Variants in PCDHGB2 observed in about 807,000 individuals in gnomAD.
PCDHGB2 encodes protocadherin gamma subfamily B, 2, also known as protocadherin gamma-B2.
In PCDHGB2, 55 loss-of-function variants were observed where a neutral mutation model predicts 59.3. The observed-to-expected ratio is 0.93, with a 90% CI of 0.75 to 1.16. The LOEUF (loss-of-function observed/expected upper bound fraction) is 1.16, where lower values mean the gene tolerates loss of function less well. Among genes scored for constraint, PCDHGB2 ranks in the 50% most tolerant of loss-of-function variants. PCDHGB2 has a pLI of 0.00. For missense variants in PCDHGB2, 1,228 were observed against 1,198.5 expected (o/e 1.02, Z -0.36); for synonymous variants, 516 against 512.0 (o/e 1.01, Z -0.11).
Position 141,438,643 on chromosome 5 carries a change from C to CATAT in PCDHGB2, c.2422-56163_2422-56162insTATA, listed in dbSNP as rs1213792286. ...ATATATATATATATATATACACACACACACACACATATATGTATATATATA... is the reference window on the plus strand; with the variant it reads ...ATATATATATATATATATACACACACATATACACACACATATATGTATATATATA... On this transcript the variant is annotated intron_variant, in intron 1 of 3. Transcript: ENST00000522605. Among the ~76,000 whole-genome samples, 345 of 117,382 alleles carry CATAT rather than the reference C, an allele frequency of 2.9e-3. 2 individuals are homozygous for CATAT. Among genetic ancestry groups the CATAT allele is most frequent in the Admixed American group, 6.8e-3 (78 of 11,434 alleles). 77.0% of individuals were successfully genotyped at this position (117,382 alleles called of 152,430 possible). A position where few individuals can be genotyped will look rare whatever the true frequency, so the allele number is the denominator to read the frequency against.
At chr5:141,500,094 A>C (rs2099796337) in intron 2 of PCDHGB2, among the ~76,000 whole-genome samples, 1 of 151,860 alleles carries the variant, frequency 6.6e-6, no homozygotes, top group South Asian at 2.1e-4. Context: ...CCATTTTTGC[A>C]ATTTATTTGT....
At chr5:141,445,632 T>C (rs940642775) in intron 1 of PCDHGB2, among the ~76,000 whole-genome samples, 19 of 152,116 alleles carry the variant, frequency 1.2e-4, no homozygotes, top group Admixed American at 1.1e-3. Flanking sequence ...GAAAGTGATA[T>C]TTAGAGAGAT....
At chr5:141,414,557 A>G (rs749209012) in intron 1 of PCDHGB2, 21 of 1,613,786 alleles carry the variant, frequency 1.3e-5, no homozygotes, top group Non-Finnish European at 1.8e-5. Context: ...CAAGTCTCCT[A>G]CTTTACCTAT....
At chr5:141,384,310 A>T in intron 1 of PCDHGB2, 2 of 1,613,676 alleles carry the variant, frequency 1.2e-6, no homozygotes, top group East Asian at 4.5e-5. Flanking sequence ...AGGGGCCTCC[A>T]TTTTCTTAGT....
chr5:141,434,474 A>G (rs979175338), intron 1 of PCDHGB2, among the ~76,000 whole-genome samples: 2 of 152,222 alleles, frequency 1.3e-5, no homozygotes, highest in Non-Finnish European at 2.9e-5. Context: ...GAATGAGGGC[A>G]AGGAACACCT....
At position 141,408,408 on chromosome 5, in the gene PCDHGB2, G is replaced by A. The variant is rs376957467; in HGVS notation, c.2421+45852G>A. On this transcript the variant is annotated intron_variant, in intron 1 of 3. Coordinates refer to ENST00000522605, the MANE Select transcript of PCDHGB2 (RefSeq NM_018923.3). The stretch of plus-strand genomic sequence containing the variant: ...GTGTCGGCTCGCAAGCTGCGAGTGA[G>A]CGCGGAGAAGCTGCACTTCAGCGTA... 5 of 1,614,080 alleles carry A rather than the reference G, an allele frequency of 3.1e-6. No homozygotes were observed. The Admixed American group carries it at 5.0e-5, about 16-fold the overall frequency.
intron 1 of PCDHGB2, among the ~76,000 whole-genome samples, chr5:141,469,808 A>C (rs1253675252): frequency 2.0e-5 from 3 of 152,174 alleles, no homozygotes; most frequent in Admixed American, 6.5e-5. Flanking sequence ...AAAACATTGT[A>C]GATAGAATGG....
intron 1 of PCDHGB2, chr5:141,415,739 G>GTTTTT (rs1561759437): frequency 2.3e-6 from 1 of 434,538 alleles, no homozygotes; most frequent in African/African-American, 3.3e-5. Flanking sequence ...TGTTTATTAA[G>GTTTTT]GTTTTTTTTT....
At chr5:141,364,831 C>T (rs1391925170) in intron 1 of PCDHGB2, 1 of 1,613,892 alleles carries the variant, frequency 6.2e-7, no homozygotes, top group Non-Finnish European at 8.5e-7. Context: ...TGAACTCTCT[C>T]CGGAGTTACC....
chr5:141,463,308 A>G (rs1233755540), intron 1 of PCDHGB2, among the ~76,000 whole-genome samples: 1 of 151,660 alleles, frequency 6.6e-6, no homozygotes, highest in Admixed American at 6.6e-5. Context: ...CCAAACTCTA[A>G]TATCTATTCC....
At chr5:141,386,407 G>T (rs2090565915) in intron 1 of PCDHGB2, among the ~76,000 whole-genome samples, 1 of 152,034 alleles carries the variant, frequency 6.6e-6, no homozygotes, top group Non-Finnish European at 1.5e-5. Flanking sequence ...GCCAGGTATG[G>T]TGTTGCAAGC....
Position 141,485,574 on chromosome 5 carries a change from C to T in PCDHGB2, c.2422-9233C>T. 1 of 1,612,568 alleles carries T rather than the reference C, an allele frequency of 6.2e-7. No homozygotes were observed. Among genetic ancestry groups the T allele is most frequent in the Non-Finnish European group, 8.5e-7 (1 of 1,178,752 alleles). On this transcript the variant is annotated intron_variant, in intron 1 of 3. Transcript: ENST00000522605. This position sits in a 1 kb window ranked among gnomAD's most constrained non-coding sequence, Gnocchi z 5.7. ...GTGAATGATCACGCCCCCCGTTTTCCGCGGCAGCAGCTGGACTTGGAAATT... is the reference window on the plus strand; with the variant it reads ...GTGAATGATCACGCCCCCCGTTTTCTGCGGCAGCAGCTGGACTTGGAAATT...
intron 1 of PCDHGB2, among the ~76,000 whole-genome samples, chr5:141,474,163 T>A (rs958292802): frequency 2.0e-5 from 3 of 152,178 alleles, no homozygotes; most frequent in Non-Finnish European, 2.9e-5. Flanking sequence ...ATGACAGGCC[T>A]TATTATTGAG....
chr5:141,407,732 A>G (rs1294403186), intron 1 of PCDHGB2, among the ~76,000 whole-genome samples: 3 of 152,242 alleles, frequency 2.0e-5, no homozygotes, highest in Non-Finnish European at 4.4e-5. Flanking sequence ...AAGGTTCACT[A>G]TATATACTCC....
At position 141,490,207 on chromosome 5, in the gene PCDHGB2, C is replaced by T. The variant is rs142098675; in HGVS notation, c.2422-4600C>T. On this transcript the variant is annotated intron_variant, in intron 1 of 3. Transcript: ENST00000522605. This position sits in a 1 kb window ranked among gnomAD's most constrained non-coding sequence, Gnocchi z 5.4. ...TTTCTATGAAATTCATGCAAGAGCC[C>T]GTGACCAGGGACAGCCTGCCATGGA... 41 of 1,614,056 alleles carry T rather than the reference C, an allele frequency of 2.5e-5. No homozygotes were observed. The highest frequency in any genetic ancestry group is 3.3e-4 in the Middle Eastern group (2 of 6,084).
At chr5:141,404,815 G>A in intron 1 of PCDHGB2, 2 of 1,610,532 alleles carry the variant, frequency 1.2e-6, no homozygotes, top group South Asian at 1.1e-5. Flanking sequence ...CGGTGGGGCT[G>A]CACACAGGTG....
Position 141,362,351 on chromosome 5 carries a change from T to G in PCDHGB2, c.2216T>G (p.Val739Gly), listed in dbSNP as rs750661009. 1 of 1,613,920 alleles carries G rather than the reference T, an allele frequency of 6.2e-7. No individual in the cohort carries two copies. The highest frequency in any genetic ancestry group is 2.2e-5 in the East Asian group (1 of 44,896). ...PGLSSKPGPG[V>G]LPNYSEGTLP... ...CTCAGCTCCAAGCCTGGACCTGGGG[T>G]TCTCCCCAATTACAGTGAGGGTACA... The change falls in exon 1 of 4, where the codon GTT becomes GGT. Residue 739 changes from valine (V) to glycine (G), a missense_variant. This residue lies in a region of PCDHGB2 where 433 missense variants were observed against 441.8 expected (regional missense o/e 0.98). Coordinates refer to ENST00000522605, the MANE Select transcript of PCDHGB2 (RefSeq NM_018923.3).
In PCDHGB2 at chr5:141,476,467, G is replaced by A. The variant is rs375302797; in HGVS notation, c.2422-18340G>A. On this transcript the variant is annotated intron_variant, in intron 1 of 3. Transcript: ENST00000522605. This position sits in a 1 kb window ranked among gnomAD's most constrained non-coding sequence, Gnocchi z 7.6. Reference sequence around the variant, plus strand: ...AGTTGGTAGTGGAGAACCCGCTGGAGCTGTTCAGCGTGGAAGTGGTGATCC... The same window carrying A: ...AGTTGGTAGTGGAGAACCCGCTGGAACTGTTCAGCGTGGAAGTGGTGATCC... The A allele has an allele frequency of 2.3e-5, 37 of 1,614,142 alleles. No individual in the cohort carries two copies. The African/African-American group carries it at 4.5e-4, about 20-fold the overall frequency.
At chr5:141,437,016 T>G (rs1025489534) in intron 1 of PCDHGB2, among the ~76,000 whole-genome samples, 1 of 152,254 alleles carries the variant, frequency 6.6e-6, no homozygotes, top group Non-Finnish European at 1.5e-5. Flanking sequence ...TTAGATAATT[T>G]CACCAGAAAA....
Sources: allele counts gnomAD v4.1 joint callset (sites outside exome capture counted in the v4.1 genomes callset), GRCh38; gene constraint gnomAD v4.1.1; regional missense constraint gnomAD v4.1.1; non-coding constraint Gnocchi (gnomAD v3.1); transcripts MANE v1.5; gene names NCBI Gene and HGNC (gene_info 2026-07-23, HGNC 2026-07-21).